The following ABCF1 variants were observed in gnomAD, a reference collection of about 807,000 sequenced individuals.
ABCF1 encodes the protein ATP binding cassette subfamily F member 1.
Under a neutral mutation model 126.3 loss-of-function variants are expected in ABCF1, and 73 were observed. That is an observed-to-expected ratio of 0.58 (90% CI 0.48 to 0.70). The LOEUF is 0.70. ABCF1 is among the 30% of genes least tolerant of loss of function. The probability of loss-of-function intolerance (pLI) is 0.00; values close to 1 mark genes in which losing one functional copy is unlikely to be tolerated. For synonymous variants in ABCF1, 345 were observed against 396.4 expected (o/e 0.87, Z 1.54); for missense variants, 786 against 1,057.5 (o/e 0.74, Z 3.56).
Position 30,589,945 on chromosome 6 carries a change from C to G in ABCF1, c.2204C>G (p.Ala735Gly), listed in dbSNP as rs1170100761. Residue 735 changes from alanine to glycine, a missense_variant, in exon 22 of 25, where the codon GCC (alanine) becomes GGC (glycine). This residue lies in a region of ABCF1 where 288 missense variants were observed against 423.5 expected (regional missense o/e 0.68). Coordinates refer to ENST00000326195, the MANE Select transcript of ABCF1 (RefSeq NM_001025091.2). The part of the protein sequence containing the change: ...CLGRFGLESH[A>G]HTIQICKLSG... Reference sequence around the variant, plus strand: ...GGCCGCTTCGGCCTGGAGAGTCACGCCCACACCATCCAGATCTGCAAACTC... The same window carrying G: ...GGCCGCTTCGGCCTGGAGAGTCACGGCCACACCATCCAGATCTGCAAACTC... 1 of 1,613,674 alleles carries G rather than the reference C, an allele frequency of 6.2e-7. No individual in the cohort carries two copies. The highest frequency in any genetic ancestry group is 8.5e-7 in the Non-Finnish European group (1 of 1,180,056).
chr6:30,587,467 T>C (rs1802208280), intron 20 of ABCF1, among the ~76,000 whole-genome samples: 1 of 151,922 alleles, frequency 6.6e-6, no homozygotes, highest in Admixed American at 6.6e-5. Context: ...AAACCCCATC[T>C]CTACTAAAAA....
chr6:30,577,967 C>T, intron 3 of ABCF1, 54 bp downstream of exon 3: 1 of 1,613,210 alleles, frequency 6.2e-7, no homozygotes, highest in Non-Finnish European at 8.5e-7. Flanking sequence ...TTCCACCAAC[C>T]CCTTTCCAGC....
chr6:30,579,589 C>G (rs1396770199), intron 6 of ABCF1, among the ~76,000 whole-genome samples: 1 of 151,320 alleles, frequency 6.6e-6, no homozygotes, highest in Non-Finnish European at 1.5e-5. Flanking sequence ...TCCTGAGTAG[C>G]TGAGATTACA....
intron 1 of ABCF1, among the ~76,000 whole-genome samples, chr6:30,575,440 G>A (rs1363538509): frequency 6.6e-6 from 1 of 151,762 alleles, no homozygotes; most frequent in South Asian, 2.1e-4. Context: ...TGGAAGGGAT[G>A]TTTTGGAAGA....
Position 30,583,580 on chromosome 6 carries a change from T to C in ABCF1, c.916-28T>C. ...AATTTTCATGTGATCATCCCTTCCC[T>C]CTGCCACCTCTTTCCTGATGGCTGC... On this transcript the variant is annotated intron_variant, in intron 10 of 24. Transcript: ENST00000326195. The surrounding 1 kb of genome is among the most constrained non-coding windows in gnomAD (Gnocchi z 4.1). 1 of 1,611,050 alleles carries C rather than the reference T, an allele frequency of 6.2e-7. No homozygotes were observed.
intron 15 of ABCF1, 35 bp downstream of exon 15, chr6:30,585,378 C>T: frequency 6.2e-7 from 1 of 1,603,382 alleles, no homozygotes. Context: ...GGTTCCCATT[C>T]TGCACTTTCT....
Position 30,574,934 on chromosome 6 carries a change from C to T in ABCF1, c.74-2475C>T, listed in dbSNP as rs1263730402. The stretch of plus-strand genomic sequence containing the variant: ...TGAAGCCTTTAATTATTGGAATTGT[C>T]TCTCGTTAACTCTAGTTTTTTGGAG... On this transcript the variant is annotated intron_variant, in intron 1 of 24. Coordinates refer to ENST00000326195, the MANE Select transcript of ABCF1 (RefSeq NM_001025091.2). The surrounding 1 kb of genome is among the most constrained non-coding windows in gnomAD (Gnocchi z 4.3). Among the ~76,000 whole-genome samples the T allele has an allele frequency of 6.6e-6, 1 of 152,082 alleles. No homozygotes were observed. Among genetic ancestry groups the T allele is most frequent in the Non-Finnish European group, 1.5e-5 (1 of 68,024 alleles).
At position 30,586,199 on chromosome 6, in the gene ABCF1, G is replaced by A; in HGVS notation, c.1779G>A (p.Glu593=). The change falls in exon 18 of 25, where the codon GAG becomes GAA. Residue 593 remains glutamate (E), a synonymous_variant. Transcript: ENST00000326195. This position sits in a 1 kb window ranked among gnomAD's most constrained non-coding sequence, Gnocchi z 4.9. ...QQKCRRKNQD[E]ESQEAPELLK... ...AATGCCGACGGAAAAACCAAGATGA[G>A]GAATCCCAGGAGGCCCCTGAGCTCC... 1 of 1,613,992 alleles carries A rather than the reference G, an allele frequency of 6.2e-7. No homozygotes were observed. The highest frequency in any genetic ancestry group is 8.5e-7 in the Non-Finnish European group (1 of 1,179,930).
At chr6:30,575,602 C>T (rs201912853) in intron 1 of ABCF1, among the ~76,000 whole-genome samples, 2 of 151,894 alleles carry the variant, frequency 1.3e-5, no homozygotes, top group East Asian at 3.9e-4. Flanking sequence ...TTACTGGGAA[C>T]ACAGGCTAAA....
chr6:30,585,159 G>C lies in ABCF1; in HGVS notation c.1392-101G>C, dbSNP rs562315655. On this transcript the variant is annotated intron_variant, in intron 14 of 24. Coordinates refer to ENST00000326195, the MANE Select transcript of ABCF1 (RefSeq NM_001025091.2). ...ACTTCTCTGAGGAGAGCTTGGGAAG[G>C]AGTGTTCATGGTCTCAGGCTCTATC... The C allele has an allele frequency of 2.4e-4, 247 of 1,021,078 alleles. No homozygotes were observed. The African/African-American group carries it at 3.3e-3, about 13-fold the overall frequency. The allele number at this position is 1,021,078 out of a possible 1,614,324, so 63.3% of individuals were successfully genotyped here. A position where few individuals can be genotyped will look rare whatever the true frequency, so the allele number is the denominator to read the frequency against.
chr6:30,582,612 G>A, intron 9 of ABCF1, 105 bp downstream of exon 9: 3 of 1,149,288 alleles, frequency 2.6e-6, no homozygotes, highest in Non-Finnish European at 3.8e-6. Flanking sequence ...GCTACTCCAA[G>A]TAAAACAATC....
At chr6:30,576,584 C>T (rs1801514860) in intron 1 of ABCF1, among the ~76,000 whole-genome samples, 1 of 152,028 alleles carries the variant, frequency 6.6e-6, no homozygotes, top group Non-Finnish European at 1.5e-5. Flanking sequence ...CCACCGCGCC[C>T]GGCCGGGTGC....
At position 30,583,275 on chromosome 6, in the gene ABCF1, T is replaced by C. The variant is rs1801925093; in HGVS notation, c.915+87T>C. 5 of 1,511,506 alleles carry C rather than the reference T, an allele frequency of 3.3e-6. No homozygotes were observed. In the East Asian group the frequency reaches 1.1e-4, roughly 35 times the overall value. 93.6% of individuals were successfully genotyped at this position (1,511,506 alleles called of 1,614,324 possible). On this transcript the variant is annotated intron_variant, in intron 10 of 24. Coordinates refer to ENST00000326195, the MANE Select transcript of ABCF1 (RefSeq NM_001025091.2). This position sits in a 1 kb window ranked among gnomAD's most constrained non-coding sequence, Gnocchi z 4.1. Reference sequence around the variant, plus strand: ...TCCCTGAGTGGCTGTGGTGTGTGAATGGGTTAGTTCAGTGGGAAGAAAGAT... The same window carrying C: ...TCCCTGAGTGGCTGTGGTGTGTGAACGGGTTAGTTCAGTGGGAAGAAAGAT...
intron 5 of ABCF1, 23 bp from the exon 6 acceptor site, chr6:30,578,447 T>G (rs1385595127): frequency 2.5e-6 from 4 of 1,613,890 alleles, no homozygotes; most frequent in Non-Finnish European, 3.4e-6. Flanking sequence ...CCTACTGACT[T>G]CTGTGGCCCT....
chr6:30,578,053 C>T (rs1801595642), intron 3 of ABCF1, 23 bp from the exon 4 acceptor site: 1 of 1,613,908 alleles, frequency 6.2e-7, no homozygotes, highest in South Asian at 1.1e-5. Flanking sequence ...TTCATTTTCT[C>T]ACTGTTCTTT....
intron 20 of ABCF1, among the ~76,000 whole-genome samples, chr6:30,589,044 C>T (rs1452419340): frequency 6.6e-6 from 1 of 152,152 alleles, no homozygotes; most frequent in Non-Finnish European, 1.5e-5. Context: ...CTTCCCCTGT[C>T]CCCGAGGGTG....
Position 30,574,090 on chromosome 6 carries a change from C to T in ABCF1, c.73+2530C>T, listed in dbSNP as rs998092996. On this transcript the variant is annotated intron_variant, in intron 1 of 24. Transcript: ENST00000326195. This position sits in a 1 kb window ranked among gnomAD's most constrained non-coding sequence, Gnocchi z 4.3. Reference sequence around the variant, plus strand: ...GAAACTCTTCGGAGGCTTTTCCTGTCCCTATAATGAAGTGGATAAGAGTGA... The same window carrying T: ...GAAACTCTTCGGAGGCTTTTCCTGTTCCTATAATGAAGTGGATAAGAGTGA... 9.2e-5 allele frequency among the ~76,000 whole-genome samples: 14 copies of T among 152,108 alleles called. No individual in the cohort carries two copies. The highest frequency in any genetic ancestry group is 2.1e-4 in the South Asian group (1 of 4,818).
intron 8 of ABCF1, 57 bp downstream of exon 8, chr6:30,580,576 T>C: frequency 9.3e-7 from 1 of 1,070,558 alleles, no homozygotes; most frequent in Non-Finnish European, 1.3e-6. Flanking sequence ...CCAGGGTCCT[T>C]ATGGGAGAGT....
Position 30,578,157 on chromosome 6 carries a change from C to G in ABCF1, c.298C>G (p.Arg100Gly), listed in dbSNP as rs543085187. The G allele has an allele frequency of 3.7e-6, 6 of 1,613,866 alleles. No individual in the cohort carries two copies. The highest frequency in any genetic ancestry group is 5.1e-6 in the Non-Finnish European group (6 of 1,179,980). ...TGGAGAAGAGAAAGAGCTCATGGAG[C>G]GTCTTAAGAAGCTCTCAGTGCCAAC... ...DDGEEKELME[R>G]LKKLSVPTSD... is the part of the protein sequence containing the mutation. The change falls in exon 4 of 25, where the codon CGT (arginine) becomes GGT (glycine). Residue 100 changes from arginine to glycine, a missense_variant. Transcript: ENST00000326195.
Sources: gnomAD v4.1 joint callset for allele counts (sites outside exome capture counted in the v4.1 genomes callset) on GRCh38, gnomAD v4.1.1 for gene constraint, gnomAD v4.1.1 regional missense constraint, Gnocchi (gnomAD v3.1) non-coding constraint, MANE v1.5 for transcripts, NCBI Gene and HGNC (gene_info 2026-07-23, HGNC 2026-07-21) for gene names.